SLC7A6: variants seen among roughly 807,000 people sequenced by gnomAD.
The protein encoded by SLC7A6 is Y+L amino acid transporter 2.
In SLC7A6, 29 loss-of-function variants were observed where a neutral mutation model predicts 46.6. That is an observed-to-expected ratio of 0.62 (90% CI 0.46 to 0.85). The LOEUF is 0.85. Among genes scored for constraint, SLC7A6 ranks in the 40% least tolerant of loss-of-function variants. The pLI, the probability that SLC7A6 is intolerant of heterozygous loss-of-function variation, is 0.00. For synonymous variants in SLC7A6, 276 were observed against 257.3 expected, an observed-to-expected ratio of 1.07 and a Z score of -0.70; for missense variants, 527 against 647.6, an observed-to-expected ratio of 0.81 and a Z score of 2.02.
intron 3 of SLC7A6, among the ~76,000 whole-genome samples, chr16:68,285,299 G>C (rs747285713): frequency 1.4e-4 from 21 of 152,172 alleles, no homozygotes; most frequent in African/African-American, 5.1e-4. Flanking sequence ...TGATAGGGAA[G>C]GGGGAGCAAT....
rs2043167539 is a variant in SLC7A6, at chr16:68,296,439, T to G, written c.1195T>G (p.Phe399Val). The G allele has an allele frequency of 2.5e-6, 4 of 1,614,038 alleles. No homozygotes were observed. Among genetic ancestry groups the G allele is most frequent in the Non-Finnish European group, 3.4e-6 (4 of 1,180,032 alleles). ...CAACTACTTCAGCTTCAGCTACTGG[T>G]TCTTCGTGGGCCTGTCTGTTGTTGG... ...LINYFSFSYW[F>V]FVGLSVVGQL... The change falls in exon 9 of 11, where the codon TTC (phenylalanine) becomes GTC (valine). Residue 399 changes from phenylalanine to valine, a missense_variant. By Grantham distance (50) the Phe-to-Val change is conservative. Transcript: ENST00000219343.
At chr16:68,268,980 G>C (rs186682419) in intron 2 of SLC7A6, among the ~76,000 whole-genome samples, 2 of 151,870 alleles carry the variant, frequency 1.3e-5, no homozygotes, top group Admixed American at 6.6e-5. Context: ...GCACTCCAGC[G>C]TGGGCAACGA....
chr16:68,274,757 C>T lies in SLC7A6; in HGVS notation c.31C>T (p.Pro11Ser), dbSNP rs1056172637. The T allele has an allele frequency of 1.2e-6, 2 of 1,614,200 alleles. No individual in the cohort carries two copies. Among genetic ancestry groups the T allele is most frequent in the Non-Finnish European group, 1.7e-6 (2 of 1,180,032 alleles). The change falls in exon 3 of 11, where the codon CCC becomes TCC. Residue 11 changes from proline to serine, a missense_variant. Coordinates refer to ENST00000219343, the MANE Select transcript of SLC7A6 (RefSeq NM_003983.6). MEAREPGRPTPTYHLVPNTSQ... is the reference protein window; with the variant it reads MEAREPGRPTSTYHLVPNTSQ... Reference sequence around the variant, plus strand: ...AGCCAGGGAGCCTGGGAGGCCCACACCCACCTACCATCTTGTCCCTAACAC... The same window carrying T: ...AGCCAGGGAGCCTGGGAGGCCCACATCCACCTACCATCTTGTCCCTAACAC...
At chr16:68,275,831 G>T (rs563057475) in intron 3 of SLC7A6, among the ~76,000 whole-genome samples, 2 of 152,080 alleles carry the variant, frequency 1.3e-5, no homozygotes, top group African/African-American at 4.8e-5. Flanking sequence ...TGTGTGACAG[G>T]TTGGGGCATG....
chr16:68,294,061 C>CTTATTTTG (rs2043112857), intron 7 of SLC7A6, among the ~76,000 whole-genome samples: 1 of 152,142 alleles, frequency 6.6e-6, no homozygotes, highest in Admixed American at 6.5e-5. Context: ...CCGCGCCCGG[C>CTTATTTTG]TTATTTTGTA....
At chr16:68,275,377 C>T (rs936960359) in intron 3 of SLC7A6, 128 bp downstream of exon 3, 36 of 1,200,598 alleles carry the variant, frequency 3.0e-5, no homozygotes, top group Non-Finnish European at 3.8e-5. Context: ...GGGCGGATCA[C>T]CTGAGGTTGG....
At chr16:68,275,955 AAG>A (rs1555530523) in intron 3 of SLC7A6, among the ~76,000 whole-genome samples, 16 of 152,256 alleles carry the variant, frequency 1.1e-4, no homozygotes, top group Admixed American at 8.5e-4. Flanking sequence ...GGAAAAAAAA[AAG>A]AGTTATTTTA....
At chr16:68,291,481 T>C (rs2043048399) in intron 6 of SLC7A6, 77 bp from the exon 7 acceptor site, 17 of 1,582,626 alleles carry the variant, frequency 1.1e-5, no homozygotes, top group Non-Finnish European at 1.5e-5. Context: ...AGTGATTGCA[T>C]TTGTTCCGAG....
At position 68,300,570 on chromosome 16, in the gene SLC7A6, T is replaced by C. The variant is rs1245836706; in HGVS notation, c.*3242T>C. On this transcript the variant is annotated 3_prime_UTR_variant, in exon 11 of 11. Coordinates refer to ENST00000219343, the MANE Select transcript of SLC7A6 (RefSeq NM_003983.6). ...AACCTTCTATTTCACTACCGCTCCC[T>C]GTTTTAGATATTCAGATTTAAAAGG... 2 of 958,464 alleles carry C rather than the reference T, an allele frequency of 2.1e-6. No individual in the cohort carries two copies. Among genetic ancestry groups the C allele is most frequent in the Non-Finnish European group, 1.2e-6 (1 of 806,236 alleles). The allele number at this position is 958,464 out of a possible 1,614,324, so 59.4% of individuals were successfully genotyped here.
intron 5 of SLC7A6, 148 bp from the exon 6 acceptor site, chr16:68,291,061 C>G: frequency 3.2e-6 from 3 of 944,104 alleles, no homozygotes; most frequent in Non-Finnish European, 1.7e-6. Flanking sequence ...ATAGAAAGAA[C>G]CCAGGGTCAA....
At chr16:68,266,043 G>A (rs954937773) in intron 1 of SLC7A6, among the ~76,000 whole-genome samples, 4 of 152,112 alleles carry the variant, frequency 2.6e-5, no homozygotes, top group South Asian at 4.2e-4. Flanking sequence ...GGCGGATCAC[G>A]GGGTCAGGAG....
In SLC7A6 at chr16:68,291,547, C is replaced by T. The variant is rs1161147233; in HGVS notation, c.919-11C>T. 1.9e-6 allele frequency: 3 copies of T among 1,613,696 alleles called. No individual in the cohort carries two copies. The Admixed American group carries it at 5.0e-5, about 27-fold the overall frequency. ...GTGCGTTTAAGTGCCTTTTCTGTGCCCTGCCCCCAGACATTTGCTGACCAG... is the reference window on the plus strand; with the variant it reads ...GTGCGTTTAAGTGCCTTTTCTGTGCTCTGCCCCCAGACATTTGCTGACCAG... On this transcript the variant is annotated splice_polypyrimidine_tract_variant and intron_variant, in intron 6 of 10. Transcript: ENST00000219343.
chr16:68,283,026 C>A (rs573864598), intron 3 of SLC7A6, among the ~76,000 whole-genome samples: 3 of 152,302 alleles, frequency 2.0e-5, no homozygotes, highest in Admixed American at 2.0e-4. Context: ...AGGTTTCCCT[C>A]CGCTCTCTGT....
At chr16:68,290,901 C>A in intron 5 of SLC7A6, 1 of 477,832 alleles carries the variant, frequency 2.1e-6, no homozygotes, top group Non-Finnish European at 3.8e-6. Context: ...GCCTGGCATC[C>A]AGTCCCCAGG....
chr16:68,280,984 C>G (rs1027406567), intron 3 of SLC7A6, among the ~76,000 whole-genome samples: 1 of 152,190 alleles, frequency 6.6e-6, no homozygotes, highest in African/African-American at 2.4e-5. Flanking sequence ...CCGCCCACCT[C>G]GGCCTCCCAA....
At chr16:68,289,394 G>A (rs2043003103) in intron 4 of SLC7A6, among the ~76,000 whole-genome samples, 1 of 152,236 alleles carries the variant, frequency 6.6e-6, no homozygotes, top group Non-Finnish European at 1.5e-5. Context: ...AGCTAGCCAT[G>A]TGGATGTCCC....
chr16:68,291,893 C>G, intron 7 of SLC7A6: 4 of 505,898 alleles, frequency 7.9e-6, no homozygotes, highest in Non-Finnish European at 1.4e-5. Context: ...AGATTGTGTG[C>G]TGATAGCTCA....
At position 68,300,669 on chromosome 16, in the gene SLC7A6, G is replaced by A. The variant is rs111888218; in HGVS notation, c.*3341G>A. 3.6e-5 allele frequency: 35 copies of A among 985,404 alleles called. No individual in the cohort carries two copies. In the African/African-American group the frequency reaches 5.2e-4, roughly 15 times the overall value. 61.0% of individuals were successfully genotyped at this position (985,404 alleles called of 1,614,324 possible). ...CACATGTATCACATTCATATATATT[G>A]TTTCTTGGCCCCACTGCCAAAGGAA... On this transcript the variant is annotated 3_prime_UTR_variant, in exon 11 of 11. Coordinates refer to ENST00000219343, the MANE Select transcript of SLC7A6 (RefSeq NM_003983.6).
At chr16:68,285,066 C>T (rs1293461177) in intron 3 of SLC7A6, among the ~76,000 whole-genome samples, 1 of 151,984 alleles carries the variant, frequency 6.6e-6, no homozygotes, top group Non-Finnish European at 1.5e-5. Context: ...AGCTGCATGC[C>T]CTCCCACTTC....
Sources: gnomAD v4.1 joint callset for allele counts (sites outside exome capture counted in the v4.1 genomes callset) on GRCh38, gnomAD v4.1.1 for gene constraint, MANE v1.5 for transcripts, NCBI Gene and HGNC (gene_info 2026-07-23, HGNC 2026-07-21) for gene names.